Variants in FARS2 observed in about 807,000 individuals in gnomAD.
FARS2 encodes phenylalanine--tRNA ligase, mitochondrial.
FARS2 carries 40 observed loss-of-function variants against 46.4 expected under a neutral mutation model. That is an observed-to-expected ratio of 0.86 (90% confidence interval 0.67 to 1.12). The LOEUF (loss-of-function observed/expected upper bound fraction) is 1.12. Among genes scored for constraint, FARS2 ranks in the 50% most tolerant of loss-of-function variants. The pLI is 0.00. For synonymous variants in FARS2, 234 were observed against 214.9 expected (o/e 1.09, Z -0.78); for missense variants, 513 against 567.9 (o/e 0.90, Z 0.98).
chr6:5,687,190 C>A (rs1329593860), intron 6 of FARS2, among the ~76,000 whole-genome samples: 1 of 152,154 alleles, frequency 6.6e-6, no homozygotes, highest in Non-Finnish European at 1.5e-5. Flanking sequence ...TGTGCAGAAG[C>A]TCTTTAGTTT....
chr6:5,771,227 C>A, intron 6 of FARS2, 64 bp from the exon 7 acceptor site: 2 of 1,602,942 alleles, frequency 1.2e-6, no homozygotes, highest in Non-Finnish European at 1.7e-6. Flanking sequence ...GGGCAAGCCA[C>A]ACTGCTCCTT....
intron 1 of FARS2, among the ~76,000 whole-genome samples, chr6:5,308,543 C>T (rs1234252610): frequency 6.6e-6 from 1 of 152,160 alleles, no homozygotes; most frequent in Non-Finnish European, 1.5e-5. Flanking sequence ...CACGGATTAC[C>T]GGAAGAATGA....
upstream of FARS2, among the ~76,000 whole-genome samples, chr6:5,258,755 A>G (rs17139944): frequency 0.02 from 3,024 of 152,346 alleles, 90 homozygotes; most frequent in African/African-American, 0.069. Flanking sequence ...TTAGCTTAAA[A>G]GTATATGCTT....
intron 6 of FARS2, among the ~76,000 whole-genome samples, chr6:5,719,442 G>GAGAGAA (rs140806785): frequency 2.9e-4 from 42 of 144,666 alleles, no homozygotes; most frequent in South Asian, 1.1e-3. Flanking sequence ...AGGAAAGAAA[G>GAGAGAA]AGAGAAAGAG....
chr6:5,250,637 T>C, the FARS2 span, among the ~76,000 whole-genome samples: 1 of 152,198 alleles, frequency 6.6e-6, no homozygotes, highest in Admixed American at 6.5e-5. Context: ...CTGTGGAGCA[T>C]TGTTGAAGAG....
At chr6:5,262,641 A>T (rs1263682051) in intron 1 of FARS2, among the ~76,000 whole-genome samples, 1 of 152,194 alleles carries the variant, frequency 6.6e-6, no homozygotes, top group Non-Finnish European at 1.5e-5. Flanking sequence ...TCTTTAGTGT[A>T]CTTGCAACCT....
intron 1 of FARS2, among the ~76,000 whole-genome samples, chr6:5,367,572 C>T (rs946925170): frequency 6.6e-6 from 1 of 151,538 alleles, no homozygotes; most frequent in Non-Finnish European, 1.5e-5. Context: ...TCCTTCTCAC[C>T]TCATCCGTGA....
intron 6 of FARS2, among the ~76,000 whole-genome samples, chr6:5,738,342 T>C (rs1005572757): frequency 2.0e-5 from 3 of 152,204 alleles, no homozygotes; most frequent in East Asian, 1.9e-4. Flanking sequence ...TCTGAAGAGA[T>C]TGAATATGTT....
At chr6:5,604,580 G>T (rs996582617) in intron 5 of FARS2, among the ~76,000 whole-genome samples, 1 of 151,992 alleles carries the variant, frequency 6.6e-6, no homozygotes, top group Admixed American at 6.6e-5. Flanking sequence ...TGCAGGCAGG[G>T]GTTTCTCTTC....
chr6:5,314,480 C>T (rs1263398446), intron 1 of FARS2, among the ~76,000 whole-genome samples: 2 of 152,138 alleles, frequency 1.3e-5, no homozygotes, highest in Admixed American at 6.5e-5. Context: ...GACCAAGTTA[C>T]ACTAGTTTCT....
chr6:5,483,353 C>A (rs1218116649), intron 4 of FARS2, among the ~76,000 whole-genome samples: 1 of 152,120 alleles, frequency 6.6e-6, no homozygotes, highest in Non-Finnish European at 1.5e-5. Context: ...CAAAGTAATT[C>A]AGTATTGACT....
chr6:5,624,092 A>G (rs1775913781), intron 6 of FARS2, among the ~76,000 whole-genome samples: 2 of 152,116 alleles, frequency 1.3e-5, no homozygotes, highest in Non-Finnish European at 2.9e-5. Context: ...TTTCTTTTCC[A>G]TTTTTATTGT....
intron 6 of FARS2, among the ~76,000 whole-genome samples, chr6:5,737,129 T>C (rs1315484811): frequency 6.6e-6 from 1 of 152,090 alleles, no homozygotes; most frequent in Non-Finnish European, 1.5e-5. Context: ...CACAGTTACT[T>C]CCATCAGAAG....
intron 4 of FARS2, among the ~76,000 whole-genome samples, chr6:5,455,370 G>A (rs2150282266): frequency 6.6e-6 from 1 of 152,336 alleles, no homozygotes; most frequent in African/African-American, 2.4e-5. Context: ...CAGGGAAGCA[G>A]CAGGGACGGC....
At chr6:5,383,645 C>G (rs552552157) in intron 2 of FARS2, among the ~76,000 whole-genome samples, 1 of 152,340 alleles carries the variant, frequency 6.6e-6, no homozygotes, top group African/African-American at 2.4e-5. Context: ...TGCCCATCCC[C>G]TTCTGTGTAT....
the FARS2 span, among the ~76,000 whole-genome samples, chr6:5,254,173 C>G: frequency 1.3e-5 from 2 of 152,234 alleles, no homozygotes; most frequent in African/African-American, 4.8e-5. Flanking sequence ...AACGGCCCAA[C>G]TGTCTCCATA....
At chr6:5,531,384 C>T (rs562604571) in intron 4 of FARS2, among the ~76,000 whole-genome samples, 2 of 152,316 alleles carry the variant, frequency 1.3e-5, no homozygotes, top group South Asian at 4.2e-4. Context: ...TTAGCACGTG[C>T]TTCAGACACT....
At chr6:5,731,705 C>T (rs973157331) in intron 6 of FARS2, among the ~76,000 whole-genome samples, 48 of 152,162 alleles carry the variant, frequency 3.2e-4, no homozygotes, top group African/African-American at 1.1e-3. Flanking sequence ...ACCTATGGAT[C>T]TTTCACTTTG....
intron 1 of FARS2, among the ~76,000 whole-genome samples, chr6:5,320,607 CT>C (rs780848953): frequency 5.9e-5 from 9 of 152,176 alleles, no homozygotes; most frequent in Non-Finnish European, 1.0e-4. Context: ...AGTAGGAATT[CT>C]TGATAGGGAG....
Sources: gnomAD v4.1 joint callset for allele counts (sites outside exome capture counted in the v4.1 genomes callset) on GRCh38, gnomAD v4.1.1 for gene constraint, MANE v1.5 for transcripts, NCBI Gene and HGNC (gene_info 2026-07-23, HGNC 2026-07-21) for gene names.